NEU3: variants seen among roughly 807,000 people sequenced by gnomAD.
The protein encoded by NEU3 is sialidase-3.
Under a neutral mutation model 11.4 loss-of-function variants are expected in NEU3, and 10 were observed. That is an observed-to-expected ratio of 0.88 (90% CI 0.54 to 1.49). NEU3 has a LOEUF of 1.49. Among genes scored for constraint, NEU3 ranks in the 40% most tolerant of loss-of-function variants. NEU3 has a pLI of 0.00. For synonymous variants in NEU3, 212 were observed against 228.2 expected (o/e 0.93, Z 0.64); for missense variants, 529 against 581.8 (o/e 0.91, Z 0.93).
rs150863297 is a variant in NEU3 at position 74,990,243 on chromosome 11, T to C, written c.94+1089T>C. The C allele has an allele frequency of 3.6e-4, 171 of 471,740 alleles. No homozygotes were observed. In the East Asian group the frequency reaches 4.9e-3, roughly 14 times the overall value. The allele number at this position is 471,740 out of a possible 1,614,324, so 29.2% of individuals were successfully genotyped here. On this transcript the variant is annotated intron_variant, in intron 1 of 2. Coordinates refer to ENST00000294064, the MANE Select transcript of NEU3 (RefSeq NM_006656.6). Reference sequence around the variant, plus strand: ...GTTTACAAGCAAGGAATCCAAGACCTAGAGGTTGAGTAACCATCAAAACGT... The same window carrying C: ...GTTTACAAGCAAGGAATCCAAGACCCAGAGGTTGAGTAACCATCAAAACGT...
At chr11:74,987,432 G>A (rs1481042799), upstream of NEU3, among the ~76,000 whole-genome samples, 1 of 151,970 alleles carries the variant, frequency 6.6e-6, no homozygotes, top group Admixed American at 6.6e-5. Flanking sequence ...GATGTTCTAG[G>A]CTAATCTTAT....
At chr11:75,004,048 A>G (rs539960062) in intron 2 of NEU3, among the ~76,000 whole-genome samples, 34 of 152,328 alleles carry the variant, frequency 2.2e-4, no homozygotes, top group African/African-American at 7.7e-4. Context: ...GAATAATCTT[A>G]TACATACTTA....
chr11:75,006,376 A>G lies in NEU3; in HGVS notation c.1270A>G (p.Lys424Glu), dbSNP rs1447860958. 1 of 1,613,982 alleles carries G rather than the reference A, an allele frequency of 6.2e-7. No homozygotes were observed. Among genetic ancestry groups the G allele is most frequent in the Admixed American group, 1.7e-5 (1 of 60,024 alleles). ...LFGCLFECGT[K>E]QECEQIAFRL... is the part of the protein sequence containing the mutation. ...TGGGTGTTTGTTTGAATGTGGGACC[A>G]AGCAAGAGTGTGAGCAGATTGCCTT... The change falls in exon 3 of 3, where the codon AAG (lysine) becomes GAG (glutamate). Residue 424 changes from lysine to glutamate, a missense_variant. Transcript: ENST00000294064.
chr11:75,003,102 T>C (rs1446035347), intron 2 of NEU3, among the ~76,000 whole-genome samples: 3 of 152,232 alleles, frequency 2.0e-5, no homozygotes, highest in Non-Finnish European at 2.9e-5. Context: ...ATGTGGTATG[T>C]GTATGTTCTA....
At chr11:74,984,460 T>C (rs1344788802), upstream of NEU3, among the ~76,000 whole-genome samples, 3 of 152,204 alleles carry the variant, frequency 2.0e-5, no homozygotes, top group African/African-American at 7.2e-5. Context: ...CTACTGCTAT[T>C]GCTGTAAGTA....
intron 2 of NEU3, among the ~76,000 whole-genome samples, chr11:74,996,355 T>TA (rs1476213251): frequency 1.3e-5 from 2 of 152,218 alleles, no homozygotes; most frequent in Non-Finnish European, 2.9e-5. Flanking sequence ...TGTTGCCATT[T>TA]TGACAATGTT....
chr11:75,012,888 T>C (rs1235614186), downstream of NEU3, among the ~76,000 whole-genome samples: 1 of 152,224 alleles, frequency 6.6e-6, no homozygotes, highest in Non-Finnish European at 1.5e-5. Context: ...GTACACATCT[T>C]AAGTGAGGCA....
intron 2 of NEU3, 148 bp downstream of exon 2, chr11:74,994,868 A>T: frequency 1.3e-6 from 1 of 753,522 alleles, no homozygotes; most frequent in South Asian, 1.5e-5. Context: ...AATGGCTCTC[A>T]CTGAGTGCTT....
downstream of NEU3, among the ~76,000 whole-genome samples, chr11:75,013,237 C>T (rs1165729463): frequency 1.3e-5 from 2 of 152,166 alleles, no homozygotes; most frequent in Non-Finnish European, 2.9e-5. Flanking sequence ...ACAACCCTTG[C>T]CCAGCCCCCT....
At chr11:75,019,872 T>C (rs1190198523), downstream of NEU3, among the ~76,000 whole-genome samples, 1 of 152,130 alleles carries the variant, frequency 6.6e-6, no homozygotes, top group Non-Finnish European at 1.5e-5. Context: ...TCCTCCAGAC[T>C]CCAGAATTGT....
chr11:75,013,611 C>A (rs1948969009), downstream of NEU3, among the ~76,000 whole-genome samples: 1 of 152,162 alleles, frequency 6.6e-6, no homozygotes, highest in Non-Finnish European at 1.5e-5. Flanking sequence ...GAAATCTCAG[C>A]CCCAAGTAGT....
rs943340882 is a variant in NEU3 at position 75,007,057 on chromosome 11, T to G, written c.*565T>G. On this transcript the variant is annotated 3_prime_UTR_variant, in exon 3 of 3. Transcript: ENST00000294064. ...TAATAATGCTCAGTTCTGTAGGCTC[T>G]CTATCCTAGAGGAATTGAGCAAAAC... The G allele has an allele frequency of 6.5e-6, 1 of 152,766 alleles. No homozygotes were observed. The allele number at this position is 152,766 out of a possible 1,614,324, so 9.5% of individuals were successfully genotyped here.
At chr11:74,991,169 T>C (rs932093918) in intron 1 of NEU3, among the ~76,000 whole-genome samples, 3 of 152,178 alleles carry the variant, frequency 2.0e-5, no homozygotes, top group African/African-American at 7.2e-5. Flanking sequence ...CAGAGACAGA[T>C]TGTTTGCTTA....
intron 2 of NEU3, among the ~76,000 whole-genome samples, chr11:74,999,431 G>T (rs1948822257): frequency 6.6e-6 from 1 of 152,072 alleles, no homozygotes; most frequent in Non-Finnish European, 1.5e-5. Context: ...TTATTTAATT[G>T]TACAATCTTG....
chr11:75,019,382 GC>G (rs961663745), downstream of NEU3, among the ~76,000 whole-genome samples: 5 of 152,186 alleles, frequency 3.3e-5, no homozygotes, highest in African/African-American at 9.7e-5. Flanking sequence ...CATGGGCTGG[GC>G]CCAGGGTCCC....
At chr11:74,993,700 G>A (rs913000362) in intron 1 of NEU3, among the ~76,000 whole-genome samples, 4 of 152,138 alleles carry the variant, frequency 2.6e-5, no homozygotes, top group African/African-American at 9.7e-5. Context: ...TTGCAGTTAT[G>A]GAGTCCGAGA....
At position 75,006,065 on chromosome 11, in the gene NEU3, G is replaced by A. The variant is rs781152049; in HGVS notation, c.959G>A (p.Arg320Gln). 8.4e-5 allele frequency: 135 copies of A among 1,613,800 alleles called. No individual in the cohort carries two copies. The South Asian group carries it at 1.1e-3, about 13-fold the overall frequency. ...HGCQGSVVSF[R>Q]PLEIPHRCQD... The stretch of plus-strand genomic sequence containing the variant: ...TGCCAAGGGAGTGTGGTAAGTTTCC[G>A]GCCCCTGGAGATCCCACATAGGTGC... Residue 320 changes from arginine to glutamine, a missense_variant, in exon 3 of 3, where the codon CGG (arginine) becomes CAG (glutamine). Coordinates refer to ENST00000294064, the MANE Select transcript of NEU3 (RefSeq NM_006656.6).
At chr11:74,992,259 G>A (rs569843710) in intron 1 of NEU3, among the ~76,000 whole-genome samples, 1 of 152,322 alleles carries the variant, frequency 6.6e-6, no homozygotes, top group South Asian at 2.1e-4. Context: ...TCTACTTGCT[G>A]TTGTGTTTAC....
At chr11:75,013,915 CT>C (rs900885045), downstream of NEU3, among the ~76,000 whole-genome samples, 91 of 152,226 alleles carry the variant, frequency 6.0e-4, no homozygotes, top group African/African-American at 2.1e-3. Context: ...CAATGTTTAC[CT>C]TGCAGGTTGA....
Sources: gnomAD v4.1 joint callset for allele counts (sites outside exome capture counted in the v4.1 genomes callset) on GRCh38, gnomAD v4.1.1 for gene constraint, MANE v1.5 for transcripts, NCBI Gene and HGNC (gene_info 2026-07-23, HGNC 2026-07-21) for gene names.